The following SLC22A16 variants were observed in gnomAD, a reference collection of about 807,000 sequenced individuals.
The protein encoded by SLC22A16 is solute carrier family 22 member 16.
A neutral mutation model predicts 52.9 loss-of-function variants in SLC22A16; 53 were observed. That is an observed-to-expected ratio of 1.00 (90% CI 0.80 to 1.26). SLC22A16 has a LOEUF of 1.26. Among genes scored for constraint, SLC22A16 ranks in the 50% most tolerant of loss-of-function variants. The pLI, the probability that SLC22A16 is intolerant of heterozygous loss-of-function variation, is 0.00. For synonymous variants in SLC22A16, 291 were observed against 268.8 expected, an observed-to-expected ratio of 1.08 and a Z score of -0.81; for missense variants, 726 against 704.0, an observed-to-expected ratio of 1.03 and a Z score of -0.35.
chr6:110,435,428 T>C (rs373604040), intron 6 of SLC22A16, among the ~76,000 whole-genome samples: 3 of 152,130 alleles, frequency 2.0e-5, no homozygotes, highest in South Asian at 4.1e-4. Flanking sequence ...CGACACCTTG[T>C]TCTTGGACTT....
At chr6:110,475,868 C>CA in intron 1 of SLC22A16, 1 of 454,892 alleles carries the variant, frequency 2.2e-6, no homozygotes, top group South Asian at 1.6e-5. Context: ...AACGTGGTTC[C>CA]ACCATGCGTT....
At chr6:110,441,942 T>A (rs750312998) in intron 4 of SLC22A16, among the ~76,000 whole-genome samples, 2 of 152,222 alleles carry the variant, frequency 1.3e-5, no homozygotes, top group Non-Finnish European at 2.9e-5. Flanking sequence ...ATGGAATAAA[T>A]GGCTGATGTC....
In SLC22A16 at chr6:110,456,663, C is replaced by G. The variant is rs766263031; in HGVS notation, c.408G>C (p.Trp136Cys). The G allele has an allele frequency of 6.2e-7, 1 of 1,614,188 alleles. No individual in the cohort carries two copies. The highest frequency in any genetic ancestry group is 8.5e-7 in the Non-Finnish European group (1 of 1,180,036). Residue 136 changes from tryptophan (W) to cysteine (C), a missense_variant, in exon 2 of 8, where the codon TGG (tryptophan) becomes TGC (cysteine). Coordinates refer to ENST00000368919, the MANE Select transcript of SLC22A16 (RefSeq NM_033125.4). ...VDGYIYDQNT[W>C]KSTAVTQWNL... is the part of the protein sequence containing the mutation. ...TCCACTGGGTCACCGCAGTGCTTTT[C>G]CATGTGTTCTGGTCATATATGTAGC... is the stretch of plus-strand genomic sequence containing the variant.
chr6:110,447,943 A>C (rs1775239116), intron 2 of SLC22A16, among the ~76,000 whole-genome samples: 1 of 152,210 alleles, frequency 6.6e-6, no homozygotes, highest in African/African-American at 2.4e-5. Flanking sequence ...ATTATGAATA[A>C]TGCTGCTCTG....
At chr6:110,427,867 C>T (rs1014378036) in intron 7 of SLC22A16, among the ~76,000 whole-genome samples, 2 of 152,172 alleles carry the variant, frequency 1.3e-5, no homozygotes, top group Non-Finnish European at 2.9e-5. Context: ...GGCATTTCCC[C>T]ACTCCAGCCC....
rs560115204 is a variant in SLC22A16 at position 110,476,606 on chromosome 6, C to T, written c.-32G>A. 14 of 1,522,656 alleles carry T rather than the reference C, an allele frequency of 9.2e-6. No homozygotes were observed. The highest frequency in any genetic ancestry group is 1.4e-5 in the African/African-American group (1 of 69,864). The allele number at this position is 1,522,656 out of a possible 1,614,324, so 94.3% of individuals were successfully genotyped here. On this transcript the variant is annotated 5_prime_UTR_variant, in exon 1 of 8. Transcript: ENST00000368919. ...GCCGTGCACTGGGCGCCGAGTTAGC[C>T]GAGCTCCGGGGACTGCGGGTAGCGC...
intron 2 of SLC22A16, among the ~76,000 whole-genome samples, chr6:110,452,324 G>T (rs1775416612): frequency 6.6e-6 from 1 of 152,130 alleles, no homozygotes. Flanking sequence ...TAATTCATAT[G>T]TAGGACTTTT....
In SLC22A16 at chr6:110,456,921, A is replaced by G. The variant is rs771869449; in HGVS notation, c.150T>C (p.His50=). ...ASVFMGVTPH[H]VCRPPGNVSQ... ...TCACATTGCCTGGGGGCCTGCAGACATGATGAGGGGTGACTCCCATGAACA... is the reference window on the plus strand; with the variant it reads ...TCACATTGCCTGGGGGCCTGCAGACGTGATGAGGGGTGACTCCCATGAACA... Residue 50 remains histidine, a synonymous_variant, in exon 2 of 8, where the codon CAT becomes CAC. Transcript: ENST00000368919. 3 of 1,613,554 alleles carry G rather than the reference A, an allele frequency of 1.9e-6. No individual in the cohort carries two copies. Among genetic ancestry groups the G allele is most frequent in the East Asian group, 4.5e-5 (2 of 44,880 alleles).
chr6:110,476,095 C>T (rs1468002161), intron 1 of SLC22A16: 3 of 438,276 alleles, frequency 6.8e-6, no homozygotes, highest in Non-Finnish European at 1.4e-5. Context: ...GGAGGCCCTA[C>T]GGAGGCGCAG....
At chr6:110,459,980 A>G (rs908352855) in intron 1 of SLC22A16, among the ~76,000 whole-genome samples, 2 of 152,180 alleles carry the variant, frequency 1.3e-5, no homozygotes, top group African/African-American at 2.4e-5. Context: ...GGCATAGCAG[A>G]CCTTTGAACA....
chr6:110,471,020 A>G (rs997366631), intron 1 of SLC22A16, among the ~76,000 whole-genome samples: 6 of 152,240 alleles, frequency 3.9e-5, no homozygotes, highest in Admixed American at 3.9e-4. Context: ...AGGGGACCAC[A>G]TGCACCGCCT....
chr6:110,452,061 T>C (rs1347013808), intron 2 of SLC22A16, among the ~76,000 whole-genome samples: 2 of 152,218 alleles, frequency 1.3e-5, no homozygotes, highest in African/African-American at 2.4e-5. Context: ...TCTATACTTA[T>C]GTTTATGAAT....
chr6:110,476,507 G>GCCCCCCCCCCCCC lies in SLC22A16; in HGVS notation c.53+14_53+15insGGGGGGGGGGGGG, dbSNP rs1554229887. The GCCCCCCCCCCCCC allele has an allele frequency of 1.9e-6, 2 of 1,072,990 alleles. No individual in the cohort carries two copies. Among genetic ancestry groups the GCCCCCCCCCCCCC allele is most frequent in the African/African-American group, 5.6e-5 (2 of 35,458 alleles). The allele number at this position is 1,072,990 out of a possible 1,614,324, so 66.5% of individuals were successfully genotyped here. A position where few individuals can be genotyped will look rare whatever the true frequency, so the allele number is the denominator to read the frequency against. The stretch of plus-strand genomic sequence containing the variant: ...GCCGCCTCCCGCGTGGCGCCGCGGG[G>GCCCCCCCCCCCCC]CCCCTCCCCCATACCTGCCGAAGTG... On this transcript the variant is annotated intron_variant, in intron 1 of 7. Coordinates refer to ENST00000368919, the MANE Select transcript of SLC22A16 (RefSeq NM_033125.4).
intron 2 of SLC22A16, chr6:110,455,842 C>G (rs1043157086): frequency 3.9e-5 from 6 of 152,224 alleles, no homozygotes; most frequent in Non-Finnish European, 7.3e-5. Context: ...CCTTCCATCC[C>G]TTCTTCCATG....
intron 2 of SLC22A16, among the ~76,000 whole-genome samples, chr6:110,454,820 T>C (rs1422627987): frequency 1.5e-5 from 1 of 67,820 alleles, no homozygotes; most frequent in Non-Finnish European, 2.5e-5. Context: ...TTATATATGT[T>C]ATATTATATA....
At chr6:110,436,755 T>G (rs950554412) in intron 5 of SLC22A16, among the ~76,000 whole-genome samples, 4 of 152,254 alleles carry the variant, frequency 2.6e-5, no homozygotes, top group Non-Finnish European at 5.9e-5. Flanking sequence ...CAGACTGTTT[T>G]GTTCATTTGT....
intron 7 of SLC22A16, among the ~76,000 whole-genome samples, chr6:110,426,115 A>T (rs1774247849): frequency 6.6e-6 from 1 of 152,198 alleles, no homozygotes; most frequent in Non-Finnish European, 1.5e-5. Context: ...TGATAACCTA[A>T]TTCTTAGAAA....
intron 7 of SLC22A16, among the ~76,000 whole-genome samples, chr6:110,426,957 A>G (rs1231478053): frequency 6.6e-6 from 1 of 151,944 alleles, no homozygotes; most frequent in Non-Finnish European, 1.5e-5. Flanking sequence ...TCTTAAAAAA[A>G]AAACTTCTCA....
intron 3 of SLC22A16, among the ~76,000 whole-genome samples, chr6:110,445,689 GA>G (rs2114950305): frequency 6.6e-6 from 1 of 152,258 alleles, no homozygotes; most frequent in African/African-American, 2.4e-5. Context: ...TTGCAAGACT[GA>G]AACAGATATT....
Sources: allele counts gnomAD v4.1 joint callset (sites outside exome capture counted in the v4.1 genomes callset), GRCh38; gene constraint gnomAD v4.1.1; transcripts MANE v1.5; gene names NCBI Gene and HGNC (gene_info 2026-07-23, HGNC 2026-07-21).